CBFA2T3: variants seen among roughly 807,000 people sequenced by gnomAD.
The protein encoded by CBFA2T3 is transcriptional corepressor CBFA2T3.
Under a neutral mutation model 58.6 loss-of-function variants are expected in CBFA2T3, and 31 were observed. The ratio of observed to expected loss-of-function variants is 0.53; its 90% CI spans 0.40 to 0.71. CBFA2T3 has a LOEUF of 0.71. Ranked by LOEUF, CBFA2T3 falls within the 30% of genes least tolerant of loss-of-function variation. CBFA2T3 has a pLI of 0.00. For missense variants in CBFA2T3, 1,076 were observed against 963.1 expected (o/e 1.12, Z -1.55); for synonymous variants, 531 against 421.9 (o/e 1.26, Z -3.17).
chr16:88,882,813 C>T, intron 7 of CBFA2T3, 52 bp from the exon 8 acceptor site: 1 of 1,250,026 alleles, frequency 8.0e-7, no homozygotes. Context: ...CAGTCTCTGC[C>T]CTATTCTCCC....
At position 88,953,108 on chromosome 16, in the gene CBFA2T3, C is replaced by T. The variant is rs909216560; in HGVS notation, c.151+23549G>A. On this transcript the variant is annotated intron_variant, in intron 1 of 11. Transcript: ENST00000268679. This position sits in a 1 kb window ranked among gnomAD's most constrained non-coding sequence, Gnocchi z 4.9. ...CCTGGTCTCCGTCTGCCGGTTAGAT[C>T]GGCCCCCAGTCCTGCTGGCCCCAGC... 1.6e-4 allele frequency among the ~76,000 whole-genome samples: 25 copies of T among 152,330 alleles called. No homozygotes were observed. Among genetic ancestry groups the T allele is most frequent in the East Asian group, 3.9e-4 (2 of 5,182 alleles).
At chr16:88,972,305 G>A (rs547311983) in intron 1 of CBFA2T3, among the ~76,000 whole-genome samples, 10 of 152,272 alleles carry the variant, frequency 6.6e-5, no homozygotes, top group African/African-American at 2.4e-4. Context: ...TCCCTGCTCT[G>A]TGCCAGTGGA....
At chr16:88,966,824 A>T (rs1972516242) in intron 1 of CBFA2T3, among the ~76,000 whole-genome samples, 1 of 152,168 alleles carries the variant, frequency 6.6e-6, no homozygotes, top group African/African-American at 2.4e-5. Context: ...AGTCGGATGC[A>T]GCACGCCCAC....
In CBFA2T3 at chr16:88,876,668, C is replaced by T. The variant is rs568992205; in HGVS notation, c.*308G>A. 177 of 356,186 alleles carry T rather than the reference C, an allele frequency of 5.0e-4. 1 individual carries two copies. The highest frequency in any genetic ancestry group is 7.2e-4 in the Non-Finnish European group (143 of 198,764). 22.1% of individuals were successfully genotyped at this position (356,186 alleles called of 1,614,324 possible). On this transcript the variant is annotated 3_prime_UTR_variant, in exon 12 of 12. Transcript: ENST00000268679. ...GAGGTGGGCAGAGCCGCCGCGCCTG[C>T]GGCATCTGCTCTGCTGTCTAAAGCT... is the stretch of plus-strand genomic sequence containing the variant.
At position 88,924,450 on chromosome 16, in the gene CBFA2T3, G is replaced by A. The variant is rs1261999832; in HGVS notation, c.152-22794C>T. Among the ~76,000 whole-genome samples the A allele has an allele frequency of 2.0e-5, 3 of 152,296 alleles. No individual in the cohort carries two copies. In the East Asian group the frequency reaches 5.8e-4, roughly 29 times the overall value. ...GGTGGGGAACGAGGCTCTCGGGGGCGATGGCTGGGATGGCCTTGGAGACGG... is the reference window on the plus strand; with the variant it reads ...GGTGGGGAACGAGGCTCTCGGGGGCAATGGCTGGGATGGCCTTGGAGACGG... On this transcript the variant is annotated intron_variant, in intron 1 of 11. Coordinates refer to ENST00000268679, the MANE Select transcript of CBFA2T3 (RefSeq NM_005187.6).
chr16:88,934,962 G>A lies in CBFA2T3; in HGVS notation c.152-33306C>T, dbSNP rs527844496. On this transcript the variant is annotated intron_variant, in intron 1 of 11. Coordinates refer to ENST00000268679, the MANE Select transcript of CBFA2T3 (RefSeq NM_005187.6). ...TCACCGTGTTAGCCAGGATGGTCTC[G>A]ATCTCCTGACCTCGTGATCCACCCG... is the stretch of plus-strand genomic sequence containing the variant. 4.3e-4 allele frequency among the ~76,000 whole-genome samples: 66 copies of A among 152,232 alleles called. 1 individual carries two copies. The East Asian group carries it at 0.011, about 25-fold the overall frequency.
At position 88,885,135 on chromosome 16, in the gene CBFA2T3, C is replaced by T. The variant is rs529742127; in HGVS notation, c.1028G>A (p.Arg343His). 23 of 1,600,298 alleles carry T rather than the reference C, an allele frequency of 1.4e-5. No homozygotes were observed. The highest frequency in any genetic ancestry group is 3.4e-5 in the Admixed American group (2 of 59,418). ...GTGGGCCATGGCTATGTCCTCCAGG[C>T]GGTAGTGCGGCGGCGGTGTGGGCTG... ...PPQPTPPPHYRLEDIAMAHHF... is the reference protein window; with the variant it reads ...PPQPTPPPHYHLEDIAMAHHF... The change falls in exon 7 of 12, where the codon CGC becomes CAC. Residue 343 changes from arginine (R) to histidine (H), a missense_variant. By Grantham distance (29) the Arg-to-His change is conservative (BLOSUM62 0). Coordinates refer to ENST00000268679, the MANE Select transcript of CBFA2T3 (RefSeq NM_005187.6). This position sits in a 1 kb window ranked among gnomAD's most constrained non-coding sequence, Gnocchi z 5.3.
In CBFA2T3 at chr16:88,877,106, G is replaced by T; in HGVS notation, c.1832C>A (p.Pro611His). ...GGGGCCCAGGCTGTGGGCGGCTTCG[G>T]GCGGTCCAGGCACCGGGTCGGCCAC... ...AVVADPVPGP[P>H]EAAHSLGPSL... The change falls in exon 12 of 12, where the codon CCC becomes CAC. Residue 611 changes from proline (P) to histidine (H), a missense_variant. Pro to His is a moderately conservative substitution (Grantham distance 77, BLOSUM62 -2). Coordinates refer to ENST00000268679, the MANE Select transcript of CBFA2T3 (RefSeq NM_005187.6). 1 of 1,545,476 alleles carries T rather than the reference G, an allele frequency of 6.5e-7. No individual in the cohort carries two copies. Among genetic ancestry groups the T allele is most frequent in the African/African-American group, 1.4e-5 (1 of 73,010 alleles).
At chr16:88,962,911 C>T (rs1972404344) in intron 1 of CBFA2T3, among the ~76,000 whole-genome samples, 1 of 152,196 alleles carries the variant, frequency 6.6e-6, no homozygotes, top group Admixed American at 6.5e-5. Context: ...CCCCGCGTGT[C>T]TGAAAACTTC....
chr16:88,966,093 G>C (rs11863386), intron 1 of CBFA2T3, among the ~76,000 whole-genome samples: 69,043 of 152,156 alleles, frequency 0.45, 16,732 homozygotes, highest in African/African-American at 0.6. Context: ...TCCTCTCGTA[G>C]CTGCAAGGTG....
intron 1 of CBFA2T3, among the ~76,000 whole-genome samples, chr16:88,931,278 A>G (rs558632990): frequency 6.6e-6 from 1 of 152,074 alleles, no homozygotes; most frequent in Non-Finnish European, 1.5e-5. Flanking sequence ...TGGCTCTGTG[A>G]GCCTGGCTGT....
In CBFA2T3 at chr16:88,877,068, C is replaced by A; in HGVS notation, c.1870G>T (p.Gly624Cys). 1 of 1,530,048 alleles carries A rather than the reference C, an allele frequency of 6.5e-7. No individual in the cohort carries two copies. Among genetic ancestry groups the A allele is most frequent in the Non-Finnish European group, 8.8e-7 (1 of 1,136,344 alleles). 94.8% of individuals were successfully genotyped at this position (1,530,048 alleles called of 1,614,324 possible). A position where few individuals can be genotyped will look rare whatever the true frequency, so the allele number is the denominator to read the frequency against. ...AHSLGPSLPV[G>C]AASPSEAGSA... ...CCGGCTTCGCTGGGGCTGGCAGCAC[C>A]CACAGGCAGGGAGGGGCCCAGGCTG... Residue 624 changes from glycine to cysteine, a missense_variant, in exon 12 of 12, where the codon GGT (glycine) becomes TGT (cysteine). By Grantham distance (159) the Gly-to-Cys change is radical. Transcript: ENST00000268679.
intron 1 of CBFA2T3, among the ~76,000 whole-genome samples, chr16:88,932,139 A>T (rs1971329873): frequency 6.6e-6 from 1 of 150,882 alleles, no homozygotes. Context: ...GTCGTCGGGA[A>T]GACAGCCTGC....
chr16:88,937,959 G>C (rs994066669), intron 1 of CBFA2T3: 11 of 152,252 alleles, frequency 7.2e-5, no homozygotes, highest in African/African-American at 2.4e-4. Flanking sequence ...TGCCATGTCT[G>C]TGATAATAGC....
intron 1 of CBFA2T3, among the ~76,000 whole-genome samples, chr16:88,906,144 T>A (rs1170983883): frequency 6.6e-6 from 1 of 152,034 alleles, no homozygotes; most frequent in East Asian, 1.9e-4. Flanking sequence ...CCAAGCAGTG[T>A]GGGGAGTCTC....
chr16:88,943,081 G>A (rs1209838382), intron 1 of CBFA2T3, among the ~76,000 whole-genome samples: 1 of 152,252 alleles, frequency 6.6e-6, no homozygotes, highest in Non-Finnish European at 1.5e-5. Flanking sequence ...ACTAAGAAAG[G>A]AAAACATTCT....
intron 1 of CBFA2T3, among the ~76,000 whole-genome samples, chr16:88,926,204 G>A (rs749431975): frequency 9.2e-5 from 14 of 152,204 alleles, no homozygotes; most frequent in Non-Finnish European, 1.9e-4. Flanking sequence ...TTCTGGGGCC[G>A]GGCTGCCGCC....
intron 1 of CBFA2T3, among the ~76,000 whole-genome samples, chr16:88,918,488 G>T (rs988638914): frequency 1.3e-5 from 2 of 152,210 alleles, no homozygotes; most frequent in Non-Finnish European, 2.9e-5. Flanking sequence ...TCCTGGACAG[G>T]GTGGGGCTCC....
chr16:88,884,591 C>G (rs1969280536), intron 7 of CBFA2T3: 1 of 158,832 alleles, frequency 6.3e-6, no homozygotes, highest in Admixed American at 6.4e-5. Flanking sequence ...TGGCCTCACG[C>G]AGAGACTCTG....
Sources: gnomAD v4.1 joint callset for allele counts (sites outside exome capture counted in the v4.1 genomes callset) on GRCh38, gnomAD v4.1.1 for gene constraint, Gnocchi (gnomAD v3.1) non-coding constraint, MANE v1.5 for transcripts, NCBI Gene and HGNC (gene_info 2026-07-23, HGNC 2026-07-21) for gene names.